Variants in SLC1A1 observed in about 807,000 individuals in gnomAD.
SLC1A1 encodes excitatory amino acid transporter 3.
In SLC1A1, 43 loss-of-function variants were observed where a neutral mutation model predicts 53.3. The ratio of observed to expected loss-of-function variants is 0.81; its 90% CI spans 0.63 to 1.04. The LOEUF is 1.04. Among genes scored for constraint, SLC1A1 ranks in the 50% least tolerant of loss-of-function variants. SLC1A1 has a pLI of 0.00. For missense variants in SLC1A1, 748 were observed against 664.9 expected, an observed-to-expected ratio of 1.12 and a Z score of -1.37; for synonymous variants, 307 against 243.2, an observed-to-expected ratio of 1.26 and a Z score of -2.44.
chr9:4,568,025 C>G (rs750608439), intron 6 of SLC1A1, among the ~76,000 whole-genome samples: 7 of 152,180 alleles, frequency 4.6e-5, no homozygotes, highest in Non-Finnish European at 8.8e-5. Context: ...GCTCTGCTTT[C>G]TTGCTTTGAT....
At chr9:4,503,647 T>C (rs1820707384) in intron 1 of SLC1A1, among the ~76,000 whole-genome samples, 1 of 151,880 alleles carries the variant, frequency 6.6e-6, no homozygotes, top group Non-Finnish European at 1.5e-5. Flanking sequence ...GGAGGGCTTA[T>C]CATCTCTTAG....
intron 2 of SLC1A1, among the ~76,000 whole-genome samples, chr9:4,550,818 T>C (rs1337213633): frequency 6.6e-6 from 1 of 152,242 alleles, no homozygotes; most frequent in Non-Finnish European, 1.5e-5. Context: ...GATTTTTCTA[T>C]GAAGGGCCCA....
intron 1 of SLC1A1, among the ~76,000 whole-genome samples, chr9:4,506,232 C>T (rs962110371): frequency 6.6e-5 from 10 of 152,224 alleles, no homozygotes; most frequent in Non-Finnish European, 1.3e-4. Flanking sequence ...GCTGGGATTA[C>T]AGGCATGAGC....
chr9:4,582,431 A>G (rs1181613794), intron 10 of SLC1A1, among the ~76,000 whole-genome samples: 1 of 152,212 alleles, frequency 6.6e-6, no homozygotes, highest in Non-Finnish European at 1.5e-5. Context: ...AGAGGTAAAG[A>G]GTCCTGTGAT....
At chr9:4,493,695 G>A (rs1293442500) in intron 1 of SLC1A1, among the ~76,000 whole-genome samples, 2 of 152,204 alleles carry the variant, frequency 1.3e-5, no homozygotes, top group East Asian at 3.8e-4. Flanking sequence ...GTGAGTTCAG[G>A]AGTTTGAGAC....
chr9:4,497,213 T>C (rs191222959), intron 1 of SLC1A1, among the ~76,000 whole-genome samples: 19 of 152,248 alleles, frequency 1.2e-4, no homozygotes, highest in African/African-American at 4.6e-4. Context: ...TTAAATGATT[T>C]AATCTTTCCA....
At chr9:4,493,617 C>T (rs886166951) in intron 1 of SLC1A1, among the ~76,000 whole-genome samples, 1 of 152,156 alleles carries the variant, frequency 6.6e-6, no homozygotes, top group Non-Finnish European at 1.5e-5. Flanking sequence ...AATGTTTGGT[C>T]CCTGACCAGG....
At position 4,566,170 on chromosome 9, in the gene SLC1A1, A is replaced by G. The variant is rs1030281480; in HGVS notation, c.483+81A>G. The stretch of plus-strand genomic sequence containing the variant: ...AAATGTTTTTTTCTGCTGTGACTCA[A>G]GAAATGGAATTAGCCCCGTGAAAAT... On this transcript the variant is annotated intron_variant, in intron 5 of 11. Transcript: ENST00000262352. The G allele has an allele frequency of 5.6e-6, 7 of 1,256,578 alleles. No individual in the cohort carries two copies. In the South Asian group the frequency reaches 8.3e-5, roughly 15 times the overall value. 77.8% of individuals were successfully genotyped at this position (1,256,578 alleles called of 1,614,324 possible). A position where few individuals can be genotyped will look rare whatever the true frequency, so the allele number is the denominator to read the frequency against.
intron 8 of SLC1A1, among the ~76,000 whole-genome samples, chr9:4,575,355 T>A (rs1412139172): frequency 6.6e-6 from 1 of 152,182 alleles, no homozygotes; most frequent in Non-Finnish European, 1.5e-5. Flanking sequence ...CAATGAACAG[T>A]TTGAGAAGGC....
intron 4 of SLC1A1, among the ~76,000 whole-genome samples, chr9:4,565,787 G>A (rs1331843933): frequency 2.6e-5 from 4 of 152,208 alleles, no homozygotes; most frequent in Non-Finnish European, 5.9e-5. Context: ...GACTGTGAGT[G>A]TCCATTTCAC....
rs1421663316 is a variant in SLC1A1 at position 4,564,406 on chromosome 9, A to T, written c.388A>T (p.Thr130Ser). Reference protein sequence around the residue: ...VTQKVGEIARTGSTPEVSTVD... With the variant: ...VTQKVGEIARSGSTPEVSTVD... ...CCAGAAAGTGGGTGAAATTGCGAGG[A>T]CAGGCAGCACCCCTGAAGTCAGTAC... The change falls in exon 4 of 12, where the codon ACA becomes TCA. Residue 130 changes from threonine (T) to serine (S), a missense_variant. Physicochemically the swap from Thr to Ser is moderately conservative, Grantham distance 58. Coordinates refer to ENST00000262352, the MANE Select transcript of SLC1A1 (RefSeq NM_004170.6). 1 of 1,613,792 alleles carries T rather than the reference A, an allele frequency of 6.2e-7. No individual in the cohort carries two copies. The highest frequency in any genetic ancestry group is 8.5e-7 in the Non-Finnish European group (1 of 1,179,924).
chr9:4,521,717 A>G (rs1816077975), intron 1 of SLC1A1, among the ~76,000 whole-genome samples: 1 of 152,164 alleles, frequency 6.6e-6, no homozygotes, highest in South Asian at 2.1e-4. Flanking sequence ...GTGACTTTAT[A>G]TCTGTATACT....
In SLC1A1 at chr9:4,583,115, G is replaced by C; in HGVS notation, c.1271G>C (p.Ser424Thr). 6.2e-7 allele frequency: 1 copy of C among 1,614,230 alleles called. No homozygotes were observed. Among genetic ancestry groups the C allele is most frequent in the African/African-American group, 1.3e-5 (1 of 75,058 alleles). ...AGLVTMVIVL[S>T]AVGLPAEDVT... Reference sequence around the variant, plus strand: ...CTGGTGACCATGGTGATTGTGCTGAGTGCCGTGGGCCTGCCCGCCGAGGAT... The same window carrying C: ...CTGGTGACCATGGTGATTGTGCTGACTGCCGTGGGCCTGCCCGCCGAGGAT... Residue 424 changes from serine (S) to threonine (T), a missense_variant, in exon 11 of 12, where the codon AGT becomes ACT. Ser to Thr is a moderately conservative substitution (Grantham distance 58). Transcript: ENST00000262352. This position sits in a 1 kb window ranked among gnomAD's most constrained non-coding sequence, Gnocchi z 4.6.
chr9:4,585,531 C>T lies in SLC1A1; in HGVS notation c.1548C>T (p.Ile516=). 1 of 1,614,232 alleles carries T rather than the reference C, an allele frequency of 6.2e-7. No homozygotes were observed. The highest frequency in any genetic ancestry group is 2.2e-5 in the East Asian group (1 of 44,890). ...GGFAVDKSDT[I]SFTQTSQF is the part of the protein sequence containing the mutation. Reference sequence around the variant, plus strand: ...TTGCAGTAGACAAGTCTGACACCATCTCATTCACCCAGACCTCACAGTTCT... The same window carrying T: ...TTGCAGTAGACAAGTCTGACACCATTTCATTCACCCAGACCTCACAGTTCT... The change falls in exon 12 of 12, where the codon ATC becomes ATT. Residue 516 remains isoleucine, a synonymous_variant. Coordinates refer to ENST00000262352, the MANE Select transcript of SLC1A1 (RefSeq NM_004170.6).
chr9:4,575,046 G>A (rs556151340), intron 8 of SLC1A1, among the ~76,000 whole-genome samples: 1 of 152,312 alleles, frequency 6.6e-6, no homozygotes, highest in Non-Finnish European at 1.5e-5. Flanking sequence ...CGTGGCTGGG[G>A]TGTATGAGCT....
intron 1 of SLC1A1, among the ~76,000 whole-genome samples, chr9:4,491,287 C>T (rs1173222391): frequency 6.6e-6 from 1 of 152,188 alleles, no homozygotes; most frequent in Non-Finnish European, 1.5e-5. Context: ...TGTCGCCGCT[C>T]ATCCTGGGCA....
chr9:4,551,485 G>T (rs1817925836), intron 2 of SLC1A1, among the ~76,000 whole-genome samples: 1 of 152,220 alleles, frequency 6.6e-6, no homozygotes, highest in South Asian at 2.1e-4. Flanking sequence ...AGAATTGCAA[G>T]ACTTGAAGAC....
chr9:4,536,937 G>T (rs566133216), intron 1 of SLC1A1, among the ~76,000 whole-genome samples: 1 of 151,486 alleles, frequency 6.6e-6, no homozygotes, highest in Non-Finnish European at 1.5e-5. Context: ...GCAAACTATT[G>T]CAAGGACAAA....
intron 2 of SLC1A1, among the ~76,000 whole-genome samples, chr9:4,550,041 C>G (rs1049378632): frequency 6.6e-5 from 10 of 152,194 alleles, no homozygotes; most frequent in African/African-American, 2.4e-4. Context: ...AGATATCAAG[C>G]CAAGAAAACT....
Sources: allele counts gnomAD v4.1 joint callset (sites outside exome capture counted in the v4.1 genomes callset), GRCh38; gene constraint gnomAD v4.1.1; non-coding constraint Gnocchi (gnomAD v3.1); transcripts MANE v1.5; gene names NCBI Gene and HGNC (gene_info 2026-07-23, HGNC 2026-07-21).